Variants in PARVA observed in about 807,000 individuals in gnomAD.
The protein encoded by PARVA is parvin alpha, also known as alpha-parvin.
Under a neutral mutation model 52.6 loss-of-function variants are expected in PARVA, and 25 were observed. The observed-to-expected ratio is 0.48, with a 90% CI of 0.35 to 0.66. PARVA has a LOEUF of 0.66. PARVA is among the 30% of genes least tolerant of loss of function. PARVA has a pLI of 0.01. For missense variants in PARVA, 373 were observed against 450.9 expected, an observed-to-expected ratio of 0.83 and a Z score of 1.56; for synonymous variants, 185 against 179.1, an observed-to-expected ratio of 1.03 and a Z score of -0.26.
intron 1 of PARVA, among the ~76,000 whole-genome samples, chr11:12,412,567 T>C (rs1198518303): frequency 6.6e-6 from 1 of 152,094 alleles, no homozygotes; most frequent in African/African-American, 2.4e-5. Flanking sequence ...TCAAAGAAAG[T>C]GTGTCAAAAG....
chr11:12,464,071 A>G (rs1940821015), intron 1 of PARVA, among the ~76,000 whole-genome samples: 1 of 149,844 alleles, frequency 6.7e-6, no homozygotes, highest in Non-Finnish European at 1.5e-5. Context: ...CCATTTTTCC[A>G]AGGAGCCCTG....
At chr11:12,408,270 C>G (rs773518966) in intron 1 of PARVA, among the ~76,000 whole-genome samples, 3 of 152,118 alleles carry the variant, frequency 2.0e-5, no homozygotes, top group Admixed American at 6.5e-5. Flanking sequence ...TGCCACTGAC[C>G]GTTTCATGTT....
intron 4 of PARVA, among the ~76,000 whole-genome samples, chr11:12,493,612 TA>T (rs11390518): frequency 1.6e-4 from 23 of 145,772 alleles, no homozygotes; most frequent in Non-Finnish European, 1.4e-4. Context: ...TACCAGACGC[TA>T]AAAAAAAAAA....
intron 10 of PARVA, among the ~76,000 whole-genome samples, chr11:12,516,623 A>G (rs540690541): frequency 9.2e-5 from 14 of 152,334 alleles, no homozygotes; most frequent in African/African-American, 2.6e-4. Context: ...GGCCCTCAGC[A>G]CATAGTTCTG....
At chr11:12,513,569 A>G in intron 9 of PARVA, 1 of 691,382 alleles carries the variant, frequency 1.4e-6, no homozygotes, top group Non-Finnish European at 2.7e-6. Context: ...ATCAGCATGA[A>G]CAGCCTGTCT....
intron 1 of PARVA, among the ~76,000 whole-genome samples, chr11:12,447,677 C>A (rs1383010962): frequency 6.6e-6 from 1 of 152,176 alleles, no homozygotes; most frequent in African/African-American, 2.4e-5. Flanking sequence ...ATGCTGAGAG[C>A]AGTTTGTATG....
intron 5 of PARVA, among the ~76,000 whole-genome samples, chr11:12,502,950 A>C (rs968472243): frequency 1.3e-5 from 2 of 152,126 alleles, no homozygotes; most frequent in African/African-American, 4.8e-5. Flanking sequence ...GTAGCCAGTA[A>C]ATAAGTGGTA....
At chr11:12,418,328 A>G (rs913382030) in intron 1 of PARVA, among the ~76,000 whole-genome samples, 1 of 152,128 alleles carries the variant, frequency 6.6e-6, no homozygotes, top group Admixed American at 6.5e-5. Flanking sequence ...GGCCCCGCCC[A>G]CAGGCCTCTG....
At chr11:12,522,715 G>T (rs957850309) in intron 12 of PARVA, among the ~76,000 whole-genome samples, 2 of 151,928 alleles carry the variant, frequency 1.3e-5, no homozygotes, top group Non-Finnish European at 2.9e-5. Context: ...CACCCTGCCC[G>T]GCCAAGAAGC....
At position 12,444,693 on chromosome 11, in the gene PARVA, G is replaced by A. The variant is rs147918057; in HGVS notation, c.137-29052G>A. ...TCCTCCCACCTCAGCCTCCCAACCA[G>A]TTTATCTTAAATGCATTATATAATC... On this transcript the variant is annotated intron_variant, in intron 1 of 12. Transcript: ENST00000334956. Among the ~76,000 whole-genome samples the A allele has an allele frequency of 1.7e-3, 257 of 152,192 alleles. 2 individuals carry two copies. The highest frequency in any genetic ancestry group is 5.4e-4 in the Non-Finnish European group (37 of 68,018).
In PARVA at chr11:12,534,340, G is replaced by C. The variant is rs922017717; in HGVS notation, c.*6415G>C. ...TCCTTGGTTGGAAACCAGTCCAGTG[G>C]GTGACTGGCCCAGAATGATGCTTCT... is the stretch of plus-strand genomic sequence containing the variant. On this transcript the variant is annotated 3_prime_UTR_variant, in exon 13 of 13. Transcript: ENST00000334956. Among the ~76,000 whole-genome samples the C allele has an allele frequency of 6.6e-6, 1 of 152,082 alleles. No individual in the cohort carries two copies. Among genetic ancestry groups the C allele is most frequent in the Non-Finnish European group, 1.5e-5 (1 of 68,026 alleles).
rs149668849 is a variant in PARVA at position 12,447,422 on chromosome 11, C to CAG, written c.137-26312_137-26311dup. 1.1e-3 allele frequency among the ~76,000 whole-genome samples: 172 copies of CAG among 151,820 alleles called. 2 individuals carry two copies. Among genetic ancestry groups the CAG allele is most frequent in the Non-Finnish European group, 1.8e-3 (123 of 67,862 alleles). On this transcript the variant is annotated intron_variant, in intron 1 of 12. Transcript: ENST00000334956. ...TCCCTGGCATACCTCATGTCTTCAG[C>CAG]AGAGAGAGAGAGGGACCAGAGCGCC... is the stretch of plus-strand genomic sequence containing the variant.
intron 1 of PARVA, among the ~76,000 whole-genome samples, chr11:12,454,806 C>T (rs1940674718): frequency 3.9e-5 from 6 of 152,110 alleles, no homozygotes; most frequent in Admixed American, 3.9e-4. Context: ...ATTTATAGCT[C>T]TTAAAAATAA....
intron 1 of PARVA, among the ~76,000 whole-genome samples, chr11:12,467,330 A>C (rs1022470058): frequency 6.6e-6 from 1 of 152,188 alleles, no homozygotes; most frequent in African/African-American, 2.4e-5. Context: ...CGGCAAACAA[A>C]GACAATTTCT....
intron 10 of PARVA, among the ~76,000 whole-genome samples, chr11:12,515,460 C>G (rs1941556254): frequency 6.6e-6 from 1 of 152,160 alleles, no homozygotes; most frequent in Non-Finnish European, 1.5e-5. Context: ...CTGGAATGAT[C>G]AGCTCCGTTT....
rs879071683 is a variant in PARVA at position 12,504,361 on chromosome 11, C to G, written c.589C>G (p.Leu197Val). The stretch of plus-strand genomic sequence containing the variant: ...GGCCATCTTACACCTGCTCGTTGCT[C>G]TGTCTCAGTATTTCCGCGCACCAAT... ...LVAILHLLVA[L>V]SQYFRAPIRL... Residue 197 changes from leucine to valine, a missense_variant, in exon 6 of 13, where the codon CTG (leucine) becomes GTG (valine). Physicochemically the swap from Leu to Val is conservative, Grantham distance 32 (BLOSUM62 1). Transcript: ENST00000334956. The G allele has an allele frequency of 6.2e-7, 1 of 1,613,880 alleles. No homozygotes were observed. The highest frequency in any genetic ancestry group is 8.5e-7 in the Non-Finnish European group (1 of 1,179,786).
intron 1 of PARVA, among the ~76,000 whole-genome samples, chr11:12,430,046 C>A (rs1940295192): frequency 6.6e-6 from 1 of 152,114 alleles, no homozygotes; most frequent in Non-Finnish European, 1.5e-5. Context: ...CATTGACATT[C>A]CTTCATCATT....
intron 1 of PARVA, among the ~76,000 whole-genome samples, chr11:12,423,834 C>T (rs1285613487): frequency 6.6e-6 from 1 of 152,118 alleles, no homozygotes; most frequent in Non-Finnish European, 1.5e-5. Context: ...TTTGTCCTGG[C>T]TTTGATTCAG....
chr11:12,396,298 A>G (rs1031935223), intron 1 of PARVA, among the ~76,000 whole-genome samples: 3 of 152,242 alleles, frequency 2.0e-5, no homozygotes, highest in Admixed American at 6.5e-5. Context: ...TTAATAAGAT[A>G]AATCAACAGT....
Sources: gnomAD v4.1 joint callset for allele counts (sites outside exome capture counted in the v4.1 genomes callset) on GRCh38, gnomAD v4.1.1 for gene constraint, MANE v1.5 for transcripts, NCBI Gene and HGNC (gene_info 2026-07-23, HGNC 2026-07-21) for gene names.